The following NDUFAF7 variants were observed in gnomAD, a reference collection of about 807,000 sequenced individuals.
NDUFAF7 encodes the protein protein arginine methyltransferase NDUFAF7, mitochondrial.
In NDUFAF7, 48 loss-of-function variants were observed where a neutral mutation model predicts 47.2. The observed-to-expected ratio is 1.02, with a 90% confidence interval of 0.81 to 1.29. The LOEUF (loss-of-function observed/expected upper bound fraction) is 1.29. Among genes scored for constraint, NDUFAF7 ranks in the 50% most tolerant of loss-of-function variants. The pLI, the probability that NDUFAF7 is intolerant of heterozygous loss-of-function variation, is 0.00. For missense variants in NDUFAF7, 635 were observed against 537.6 expected, an observed-to-expected ratio of 1.18 and a Z score of -1.79; for synonymous variants, 217 against 190.0, an observed-to-expected ratio of 1.14 and a Z score of -1.17.
the NDUFAF7 span, chr2:37,259,735 C>A: frequency 8.3e-7 from 1 of 1,209,088 alleles, no homozygotes; most frequent in Non-Finnish European, 1.2e-6. Flanking sequence ...AAGTAAACCT[C>A]ATGTGACTCC....
At chr2:37,265,508 AACAC>A in the NDUFAF7 span, among the ~76,000 whole-genome samples, 4 of 151,132 alleles carry the variant, frequency 2.6e-5, no homozygotes, top group African/African-American at 9.8e-5. Context: ...CACACACACA[AACAC>A]ACACACAGAG....
chr2:37,257,761 A>G (rs1439425801), downstream of NDUFAF7, among the ~76,000 whole-genome samples: 16 of 152,024 alleles, frequency 1.1e-4, no homozygotes, highest in Admixed American at 9.8e-4. Context: ...AGGATGTTAT[A>G]AACTGGCAAG....
chr2:37,263,466 G>A, the NDUFAF7 span, among the ~76,000 whole-genome samples: 58 of 152,254 alleles, frequency 3.8e-4, no homozygotes, highest in African/African-American at 1.2e-3. Context: ...GACCTTGTAC[G>A]TTCTTAATTA....
At chr2:37,263,647 A>G in the NDUFAF7 span, among the ~76,000 whole-genome samples, 1 of 152,150 alleles carries the variant, frequency 6.6e-6, no homozygotes, top group African/African-American at 2.4e-5. Context: ...CCTTGAGTTA[A>G]ATCTTATCAG....
intron 4 of NDUFAF7, 71 bp from the exon 5 acceptor site, chr2:37,241,507 T>G (rs1666325687): frequency 8.1e-7 from 1 of 1,228,450 alleles, no homozygotes; most frequent in African/African-American, 1.5e-5. Context: ...ACTAAATCAT[T>G]GATGTAAATG....
chr2:37,240,042 A>T (rs1313664923), intron 4 of NDUFAF7, among the ~76,000 whole-genome samples: 4 of 152,262 alleles, frequency 2.6e-5, no homozygotes, highest in African/African-American at 9.6e-5. Context: ...GTACCTGATA[A>T]GTAATAGTAT....
chr2:37,267,409 T>C, the NDUFAF7 span: 1 of 1,490,818 alleles, frequency 6.7e-7, no homozygotes, highest in Non-Finnish European at 9.2e-7. Flanking sequence ...AATAAACCAG[T>C]TTTTTATTTT....
intron 4 of NDUFAF7, among the ~76,000 whole-genome samples, chr2:37,240,804 G>C (rs1666264408): frequency 6.6e-6 from 1 of 152,076 alleles, no homozygotes; most frequent in Non-Finnish European, 1.5e-5. Flanking sequence ...TGTCAGACCT[G>C]TTTTATTTTT....
At position 37,248,811 on chromosome 2, in the gene NDUFAF7, G is replaced by A. The variant is rs1667201976; in HGVS notation, c.*461G>A. 5.3e-6 allele frequency: 1 copy of A among 189,068 alleles called. No homozygotes were observed. Among genetic ancestry groups the A allele is most frequent in the South Asian group, 9.9e-5 (1 of 10,106 alleles). 11.7% of individuals were successfully genotyped at this position (189,068 alleles called of 1,614,324 possible). A position where few individuals can be genotyped will look rare whatever the true frequency, so the allele number is the denominator to read the frequency against. ...TGCCTGTAATCCCAGCTACTCAGGA[G>A]GCTGAGACAGGAGAATCACTTGAAC... is the stretch of plus-strand genomic sequence containing the variant. On this transcript the variant is annotated 3_prime_UTR_variant, in exon 10 of 10. Transcript: ENST00000002125.
In NDUFAF7 at chr2:37,231,909, A is replaced by G. The variant is rs538969985; in HGVS notation, c.55+149A>G. 148 of 1,589,270 alleles carry G rather than the reference A, an allele frequency of 9.3e-5. No individual in the cohort carries two copies. In the African/African-American group the frequency reaches 1.8e-3, roughly 19 times the overall value. ...CCTGGGCTGGAAACGGGTCCGGTAC[A>G]AACGCAATAGGGCTGCGTAGTCGTG... On this transcript the variant is annotated intron_variant, in intron 1 of 9. Coordinates refer to ENST00000002125, the MANE Select transcript of NDUFAF7 (RefSeq NM_144736.5).
chr2:37,243,166 T>C (rs1291375531), intron 6 of NDUFAF7, among the ~76,000 whole-genome samples: 1 of 152,026 alleles, frequency 6.6e-6, no homozygotes, highest in Non-Finnish European at 1.5e-5. Flanking sequence ...TTAAACTTTT[T>C]TGGGCCAGGC....
chr2:37,266,773 C>G, the NDUFAF7 span, among the ~76,000 whole-genome samples: 1 of 152,196 alleles, frequency 6.6e-6, no homozygotes. Context: ...TAGGTGCGCA[C>G]CACCTCACCT....
the NDUFAF7 span, among the ~76,000 whole-genome samples, chr2:37,260,752 A>C: frequency 6.6e-6 from 1 of 151,340 alleles, no homozygotes; most frequent in Admixed American, 6.6e-5. Context: ...GAAACCTTTG[A>C]CTCTTGGGGG....
downstream of NDUFAF7, among the ~76,000 whole-genome samples, chr2:37,257,304 CTGAATCCTTAGTG>C (rs1390440305): frequency 6.6e-6 from 1 of 152,124 alleles, no homozygotes; most frequent in East Asian, 1.9e-4. Flanking sequence ...TGTTTCATTT[CTGAATCCTTAGTG>C]GCCTCACAGT....
the NDUFAF7 span, among the ~76,000 whole-genome samples, chr2:37,264,847 A>G: frequency 6.6e-6 from 1 of 152,216 alleles, no homozygotes; most frequent in Non-Finnish European, 1.5e-5. Context: ...GTATCTAAAA[A>G]TGGGATGTGC....
In NDUFAF7 at chr2:37,246,176, C is replaced by T. The variant is rs1572567022; in HGVS notation, c.917C>T (p.Thr306Ile). Residue 306 changes from threonine to isoleucine, a missense_variant, in exon 8 of 10, where the codon ACA becomes ATA. By Grantham distance (89) the Thr-to-Ile change is moderately conservative. Coordinates refer to ENST00000002125, the MANE Select transcript of NDUFAF7 (RefSeq NM_144736.5). Reference protein sequence around the residue: ...ALVADYGHDGTKTDTFRGFCD... With the variant: ...ALVADYGHDGIKTDTFRGFCD... ...GTTGCTGATTATGGTCATGATGGAA[C>T]AAAGACAGATACCTTCAGAGTATGT... is the stretch of plus-strand genomic sequence containing the variant. The T allele has an allele frequency of 2.5e-6, 4 of 1,613,800 alleles. No homozygotes were observed. In the East Asian group the frequency reaches 8.9e-5, roughly 36 times the overall value.
At chr2:37,266,983 A>C in the NDUFAF7 span, among the ~76,000 whole-genome samples, 1 of 152,238 alleles carries the variant, frequency 6.6e-6, no homozygotes, top group African/African-American at 2.4e-5. Context: ...ATGGAATTGA[A>C]ATCATTGCCA....
At position 37,248,601 on chromosome 2, in the gene NDUFAF7, T is replaced by C. The variant is rs1572575632; in HGVS notation, c.*251T>C. ...CTTTAACTTACAAAGCTAGTTGCCA[T>C]ATTTCTATTTTATTTTAAAAAGTAA... On this transcript the variant is annotated 3_prime_UTR_variant, in exon 10 of 10. Coordinates refer to ENST00000002125, the MANE Select transcript of NDUFAF7 (RefSeq NM_144736.5). 1 of 489,026 alleles carries C rather than the reference T, an allele frequency of 2.0e-6. No individual in the cohort carries two copies. The highest frequency in any genetic ancestry group is 4.0e-5 in the East Asian group (1 of 25,232). 30.3% of individuals were successfully genotyped at this position (489,026 alleles called of 1,614,324 possible).
downstream of NDUFAF7, among the ~76,000 whole-genome samples, chr2:37,249,474 G>A (rs181449660): frequency 3.4e-3 from 518 of 152,042 alleles, 1 homozygote; most frequent in Non-Finnish European, 5.3e-3. Flanking sequence ...CTACTCACGA[G>A]GCTGAGGTAG....
Sources: gnomAD v4.1 joint callset for allele counts (sites outside exome capture counted in the v4.1 genomes callset) on GRCh38, gnomAD v4.1.1 for gene constraint, MANE v1.5 for transcripts, NCBI Gene and HGNC (gene_info 2026-07-23, HGNC 2026-07-21) for gene names.